The following NAV2 variants were observed in gnomAD, a reference collection of about 807,000 sequenced individuals.
NAV2 encodes the protein neuron navigator 2.
A neutral mutation model predicts 223.2 loss-of-function variants in NAV2; 54 were observed. The ratio of observed to expected loss-of-function variants is 0.24; its 90% CI spans 0.19 to 0.30. The LOEUF (loss-of-function observed/expected upper bound fraction) is 0.30. NAV2 is among the 10% of genes least tolerant of loss of function. The pLI is 1.00. For synonymous variants in NAV2, 1,279 were observed against 1,239.3 expected (o/e 1.03, Z -0.67); for missense variants, 2,806 against 3,147.5 (o/e 0.89, Z 2.60).
chr11:19,540,022 GCTGA>G (rs1191200885), intron 1 of NAV2, among the ~76,000 whole-genome samples: 10 of 152,180 alleles, frequency 6.6e-5, no homozygotes. Context: ...GAGACAATAG[GCTGA>G]CTGAGAGGGA....
At chr11:19,655,442 C>T (rs536084222) in intron 1 of NAV2, among the ~76,000 whole-genome samples, 2 of 152,150 alleles carry the variant, frequency 1.3e-5, no homozygotes, top group East Asian at 3.9e-4. Flanking sequence ...TACATGCAGA[C>T]GTATGTTTAT....
At chr11:19,691,060 T>G (rs2049159749) in intron 1 of NAV2, among the ~76,000 whole-genome samples, 1 of 152,186 alleles carries the variant, frequency 6.6e-6, no homozygotes, top group African/African-American at 2.4e-5. Flanking sequence ...GGGATCTTGT[T>G]AAAAATGTAG....
At chr11:19,516,810 A>G (rs1028811466) in intron 1 of NAV2, among the ~76,000 whole-genome samples, 4 of 152,196 alleles carry the variant, frequency 2.6e-5, no homozygotes, top group Admixed American at 1.3e-4. Context: ...CAAGGTCACC[A>G]TATACAACAT....
intron 11 of NAV2, chr11:20,027,465 C>T (rs767801317): frequency 3.2e-5 from 32 of 985,432 alleles, no homozygotes; most frequent in Non-Finnish European, 3.7e-5. Flanking sequence ...GAAAATTGAG[C>T]AGGTAAGTCC....
chr11:19,543,883 G>A (rs1253565676), intron 1 of NAV2, among the ~76,000 whole-genome samples: 1 of 152,108 alleles, frequency 6.6e-6, no homozygotes, highest in Non-Finnish European at 1.5e-5. Flanking sequence ...CATGCTCTCG[G>A]TTTGAGCTGA....
chr11:19,790,117 C>T (rs1387433131), intron 1 of NAV2, among the ~76,000 whole-genome samples: 1 of 152,208 alleles, frequency 6.6e-6, no homozygotes, highest in Non-Finnish European at 1.5e-5. Context: ...GGGCGGCTCT[C>T]ATGCTCCCGG....
intron 1 of NAV2, among the ~76,000 whole-genome samples, chr11:19,663,016 C>G (rs1165398924): frequency 6.6e-6 from 1 of 152,100 alleles, no homozygotes; most frequent in African/African-American, 2.4e-5. Flanking sequence ...AAGGATAAGC[C>G]ATTTGCCTAG....
chr11:19,734,317 T>A (rs1306077829), intron 1 of NAV2, among the ~76,000 whole-genome samples: 2 of 152,172 alleles, frequency 1.3e-5, no homozygotes, highest in Non-Finnish European at 2.9e-5. Context: ...ATGAATATGA[T>A]GACCCATTGC....
At chr11:19,987,733 T>C (rs1008386822) in intron 11 of NAV2, among the ~76,000 whole-genome samples, 1 of 152,216 alleles carries the variant, frequency 6.6e-6, no homozygotes, top group Admixed American at 6.5e-5. Context: ...ATGAAGATAG[T>C]AAAGTGTGCC....
chr11:20,101,099 T>C lies in NAV2; in HGVS notation c.6344T>C (p.Ile2115Thr), dbSNP rs1565073178. Reference protein sequence around the residue: ...TYLANRLSEYIVLREGRELTD... With the variant: ...TYLANRLSEYTVLREGRELTD... ...CTGGCCAACCGGCTGTCTGAGTATA[T>C]AGTGCTTCGAGAGGGACGGGAGTTG... The change falls in exon 32 of 38, where the codon ATA becomes ACA. Residue 2115 changes from isoleucine to threonine, a missense_variant. Coordinates refer to ENST00000349880, the MANE Select transcript of NAV2 (RefSeq NM_145117.5). 2.5e-6 allele frequency: 4 copies of C among 1,614,094 alleles called. No individual in the cohort carries two copies. The highest frequency in any genetic ancestry group is 3.4e-6 in the Non-Finnish European group (4 of 1,180,012).
At chr11:19,657,220 G>GA (rs1386837539) in intron 1 of NAV2, among the ~76,000 whole-genome samples, 1 of 152,134 alleles carries the variant, frequency 6.6e-6, no homozygotes, top group Non-Finnish European at 1.5e-5. Context: ...TTTAGAGCTG[G>GA]AAAAAGCAGG....
intron 37 of NAV2, among the ~76,000 whole-genome samples, chr11:20,115,913 A>T (rs2063051811): frequency 6.6e-6 from 1 of 152,222 alleles, no homozygotes; most frequent in Admixed American, 6.5e-5. Context: ...ACCTTGTCTC[A>T]AACAAACAAA....
At chr11:19,849,823 C>T (rs889792436) in intron 3 of NAV2, among the ~76,000 whole-genome samples, 17 of 152,206 alleles carry the variant, frequency 1.1e-4, no homozygotes, top group Admixed American at 3.3e-4. Flanking sequence ...TCCACTGCTT[C>T]CCACCCAGGG....
chr11:19,608,686 A>G (rs1230026796), intron 1 of NAV2, among the ~76,000 whole-genome samples: 3 of 152,274 alleles, frequency 2.0e-5, no homozygotes, highest in Non-Finnish European at 4.4e-5. Flanking sequence ...TCCTGTAAGA[A>G]ACAGGATTTC....
chr11:19,427,631 G>T (rs1850882838), intron 1 of NAV2, among the ~76,000 whole-genome samples: 1 of 152,160 alleles, frequency 6.6e-6, no homozygotes, highest in Non-Finnish European at 1.5e-5. Context: ...TGGGATGGGG[G>T]TCAAGGCGGG....
intron 11 of NAV2, among the ~76,000 whole-genome samples, chr11:20,016,028 T>C (rs1479559148): frequency 6.6e-6 from 1 of 152,198 alleles, no homozygotes; most frequent in Non-Finnish European, 1.5e-5. Flanking sequence ...TGAGCGCCGG[T>C]TTCTTTTTCA....
chr11:19,898,195 G>T (rs4757856), intron 6 of NAV2, among the ~76,000 whole-genome samples: 56,920 of 151,740 alleles, frequency 0.38, 12,893 homozygotes, highest in Non-Finnish European at 0.48. Context: ...TGAATAATAC[G>T]GTTTTCTTCA....
chr11:19,913,240 A>AT (rs1224841778), intron 6 of NAV2, among the ~76,000 whole-genome samples: 1 of 152,114 alleles, frequency 6.6e-6, no homozygotes, highest in Non-Finnish European at 1.5e-5. Context: ...TACATTTTGT[A>AT]TTTTTTGTGT....
Position 19,533,706 on chromosome 11 carries a change from C to CTT in NAV2, c.75+182696_75+182697dup, listed in dbSNP as rs34280979. 6.1e-4 allele frequency among the ~76,000 whole-genome samples: 77 copies of CTT among 126,510 alleles called. 5 individuals are homozygous for CTT. Among genetic ancestry groups the CTT allele is most frequent in the African/African-American group, 1.6e-3 (42 of 26,986 alleles). 83.0% of individuals were successfully genotyped at this position (126,510 alleles called of 152,430 possible). ...TCTCTCTCTCCCCTCTGGGAACTAT[C>CTT]TTTTTTTTTTTTTTTTTTGAGACGG... On this transcript the variant is annotated intron_variant, in intron 1 of 37. Transcript: ENST00000360655.
Sources: gnomAD v4.1 joint callset for allele counts (sites outside exome capture counted in the v4.1 genomes callset) on GRCh38, gnomAD v4.1.1 for gene constraint, MANE v1.5 for transcripts, NCBI Gene and HGNC (gene_info 2026-07-23, HGNC 2026-07-21) for gene names.